The following RTN2 variants were observed in gnomAD, a reference collection of about 807,000 sequenced individuals.
The protein encoded by RTN2 is reticulon-2.
A neutral mutation model predicts 63.7 loss-of-function variants in RTN2; 36 were observed. The observed-to-expected ratio is 0.56, with a 90% CI of 0.43 to 0.75. The LOEUF (loss-of-function observed/expected upper bound fraction) is 0.75. RTN2 is among the 30% of genes least tolerant of loss of function. RTN2 has a pLI of 0.00. For synonymous variants in RTN2, 312 were observed against 313.0 expected, an observed-to-expected ratio of 1.00 and a Z score of 0.03; for missense variants, 673 against 705.1, an observed-to-expected ratio of 0.95 and a Z score of 0.52.
chr19:45,489,177 G>C, intron 6 of RTN2, 169 bp downstream of exon 6: 2 of 863,578 alleles, frequency 2.3e-6, no homozygotes, highest in Non-Finnish European at 3.6e-6. Context: ...GAGGATGAAG[G>C]GTACCAGGTT....
chr19:45,493,532 G>T (rs868527421), intron 4 of RTN2, among the ~76,000 whole-genome samples, 154 bp from the exon 5 acceptor site: 3 of 152,022 alleles, frequency 2.0e-5, no homozygotes, highest in African/African-American at 7.2e-5. Context: ...GGCTTCAAAG[G>T]ATCCTCCCGC....
At position 45,493,355 on chromosome 19, in the gene RTN2, T is replaced by A; in HGVS notation, c.838A>T (p.Thr280Ser). ...TTGTAAACAGCCAAAAGCAATGATG[T>A]CTTTAACCATTCCATAGCTGTTCCT... ...LLGTAMEWLK[T>S]SLLLAVYKTV... The change falls in exon 5 of 11, where the codon ACA (threonine) becomes TCA (serine). Residue 280 changes from threonine to serine, a missense_variant. Thr to Ser is a moderately conservative substitution (Grantham distance 58, BLOSUM62 1). Transcript: ENST00000245923. 1 of 1,609,008 alleles carries A rather than the reference T, an allele frequency of 6.2e-7. No homozygotes were observed. Among genetic ancestry groups the A allele is most frequent in the East Asian group, 2.2e-5 (1 of 44,844 alleles).
In RTN2 at chr19:45,488,702, G is replaced by C; in HGVS notation, c.1385C>G (p.Ala462Gly). 1 of 1,613,360 alleles carries C rather than the reference G, an allele frequency of 6.2e-7. No homozygotes were observed. The highest frequency in any genetic ancestry group is 2.2e-5 in the East Asian group (1 of 44,880). ...VEDLVDSLKL[A>G]LLFYILTFVG... ...GAAGGTCAAGATGTAGAAGAGGAGG[G>C]CCAGCTGGGGGTGAAGGTCAGGGTC... Residue 462 changes from alanine to glycine, a missense_variant, in exon 8 of 11, where the codon GCC becomes GGC. Physicochemically the swap from Ala to Gly is moderately conservative, Grantham distance 60. Coordinates refer to ENST00000245923, the MANE Select transcript of RTN2 (RefSeq NM_005619.5).
At chr19:45,493,804 C>A in intron 4 of RTN2, 1 of 288,554 alleles carries the variant, frequency 3.5e-6, no homozygotes, top group Non-Finnish European at 6.5e-6. Context: ...AGTGCAGTGG[C>A]GCGATCTTGG....
At chr19:45,492,006 A>T (rs1019171628) in intron 5 of RTN2, among the ~76,000 whole-genome samples, 1 of 152,164 alleles carries the variant, frequency 6.6e-6, no homozygotes, top group Non-Finnish European at 1.5e-5. Flanking sequence ...TTCCACAAGA[A>T]GCAAGAGAAA....
Position 45,488,937 on chromosome 19 carries a change from A to G in RTN2, c.1291T>C (p.Leu431=), listed in dbSNP as rs141361008. ...LTLTREQTER[L]SHQITSRVVS... is the part of the protein sequence containing the mutation. ...ACGCGGGAGGTGATCTGGTGGGACA[A>G]ACGTTCCGTCTGCTCCCGAGTCAGG... The change falls in exon 7 of 11, where the codon TTG becomes CTG. Residue 431 remains leucine (L), a synonymous_variant. Transcript: ENST00000245923. 11 of 1,611,394 alleles carry G rather than the reference A, an allele frequency of 6.8e-6. No individual in the cohort carries two copies. In the African/African-American group the frequency reaches 1.5e-4, roughly 22 times the overall value.
chr19:45,494,269 T>C lies in RTN2; in HGVS notation c.711A>G (p.Glu237=). The change falls in exon 4 of 11, where the codon GAA becomes GAG. Residue 237 remains glutamate, a synonymous_variant. Transcript: ENST00000245923. This position sits in a 1 kb window ranked among gnomAD's most constrained non-coding sequence, Gnocchi z 5.3. ...SNSGPEEPLL[E]EEEKQWGPLE... ...GTGGCCCCCACTGCTTTTCTTCCTC[T>C]TCCAGCAATGGCTCTTCGGGCCCAG... is the stretch of plus-strand genomic sequence containing the variant. 6.2e-7 allele frequency: 1 copy of C among 1,613,870 alleles called. No individual in the cohort carries two copies. The highest frequency in any genetic ancestry group is 8.5e-7 in the Non-Finnish European group (1 of 1,180,002).
intron 5 of RTN2, 64 bp downstream of exon 5, chr19:45,493,096 A>G (rs1162539321): frequency 2.1e-6 from 3 of 1,440,464 alleles, no homozygotes; most frequent in Admixed American, 1.7e-5. Flanking sequence ...TGCAGGAGAT[A>G]AGGGCGAGTT....
Position 45,494,658 on chromosome 19 carries a change from G to A in RTN2, c.427C>T (p.Arg143Trp), listed in dbSNP as rs371978046. ...SERPLEDLRLRLDHLGWVARG... is the reference protein window; with the variant it reads ...SERPLEDLRLWLDHLGWVARG... ...GCCACCCAGCCCAGATGGTCCAACC[G>A]AAGCCTCAGGTCTTCCAGAGGGCGC... is the stretch of plus-strand genomic sequence containing the variant. The change falls in exon 3 of 11, where the codon CGG becomes TGG. Residue 143 changes from arginine (R) to tryptophan (W), a missense_variant. Coordinates refer to ENST00000245923, the MANE Select transcript of RTN2 (RefSeq NM_005619.5). This position sits in a 1 kb window ranked among gnomAD's most constrained non-coding sequence, Gnocchi z 5.3. 16 of 1,613,812 alleles carry A rather than the reference G, an allele frequency of 9.9e-6. No homozygotes were observed. The highest frequency in any genetic ancestry group is 6.6e-5 in the South Asian group (6 of 91,084).
chr19:45,485,876 C>A, intron 10 of RTN2, 87 bp from the exon 11 acceptor site: 1 of 1,281,894 alleles, frequency 7.8e-7, no homozygotes, highest in Non-Finnish European at 1.1e-6. Context: ...GGGTGGGAAA[C>A]TGACCAAGAG....
Position 45,497,029 on chromosome 19 carries a change from G to C in RTN2, c.-204C>G. 1 of 231,720 alleles carries C rather than the reference G, an allele frequency of 4.3e-6. No individual in the cohort carries two copies. The highest frequency in any genetic ancestry group is 8.1e-6 in the Non-Finnish European group (1 of 124,080). The allele number at this position is 231,720 out of a possible 1,614,324, so 14.4% of individuals were successfully genotyped here. A position where few individuals can be genotyped will look rare whatever the true frequency, so the allele number is the denominator to read the frequency against. ...CGGCTCGGCGGGGGCGGGCGGGGCCGAGGTGGGGAAGGCACTGCAGCGCGC... is the reference window on the plus strand; with the variant it reads ...CGGCTCGGCGGGGGCGGGCGGGGCCCAGGTGGGGAAGGCACTGCAGCGCGC... On this transcript the variant is annotated 5_prime_UTR_variant, in exon 1 of 11. Transcript: ENST00000245923.
intron 9 of RTN2, 91 bp downstream of exon 9, chr19:45,488,380 G>T: frequency 1.4e-6 from 2 of 1,388,892 alleles, no homozygotes; most frequent in Non-Finnish European, 2.0e-6. Flanking sequence ...GTCTGGCCGG[G>T]ACATCTGTCA....
At position 45,496,850 on chromosome 19, in the gene RTN2, AC is replaced by A. The variant is rs1968283692; in HGVS notation, c.-26del. 1 of 1,434,980 alleles carries A rather than the reference AC, an allele frequency of 7.0e-7. No homozygotes were observed. Among genetic ancestry groups the A allele is most frequent in the Non-Finnish European group, 9.3e-7 (1 of 1,078,034 alleles). The allele number at this position is 1,434,980 out of a possible 1,614,324, so 88.9% of individuals were successfully genotyped here. On this transcript the variant is annotated 5_prime_UTR_variant, in exon 1 of 11. Coordinates refer to ENST00000245923, the MANE Select transcript of RTN2 (RefSeq NM_005619.5). ...TGGCCCCCCTCGGGCCTGCATCGGG[AC>A]CCCCGCCCACTCCGGCTGTGCCGCC...
chr19:45,493,120 G>A (rs757920222), intron 5 of RTN2, 40 bp downstream of exon 5: 2 of 1,583,204 alleles, frequency 1.3e-6, no homozygotes, highest in Non-Finnish European at 1.7e-6. Context: ...ACCCCGTTCC[G>A]CCGACCTCAG....
At chr19:45,496,716 G>A in intron 1 of RTN2, 76 bp downstream of exon 1, 1 of 1,036,232 alleles carries the variant, frequency 9.7e-7, no homozygotes, top group South Asian at 2.1e-5. Flanking sequence ...CTGCGGGCAA[G>A]CGCCGAGGGG....
At chr19:45,496,771 C>A in intron 1 of RTN2, 21 bp downstream of exon 1, 2 of 1,496,046 alleles carry the variant, frequency 1.3e-6, no homozygotes, top group Non-Finnish European at 1.8e-6. Flanking sequence ...CCACACCAGG[C>A]CCCAGTCTTC....
Position 45,485,698 on chromosome 19 carries a change from G to C in RTN2, c.*10C>G, listed in dbSNP as rs766619556. The stretch of plus-strand genomic sequence containing the variant: ...TGGGGGCAGGCGTCCTGCGGGCAGA[G>C]ACACCGTTCTCATTCGGCTTTGGCT... On this transcript the variant is annotated 3_prime_UTR_variant, in exon 11 of 11. Transcript: ENST00000245923. 1.5e-5 allele frequency: 24 copies of C among 1,612,312 alleles called. No individual in the cohort carries two copies. The highest frequency in any genetic ancestry group is 2.0e-5 in the Non-Finnish European group (24 of 1,178,822).
intron 5 of RTN2, 68 bp downstream of exon 5, chr19:45,493,092 A>C: frequency 7.1e-7 from 1 of 1,400,696 alleles, no homozygotes; most frequent in Non-Finnish European, 1.0e-6. Context: ...GATGTGCAGG[A>C]GATAAGGGCG....
chr19:45,487,322 G>A (rs1360493272), intron 9 of RTN2, among the ~76,000 whole-genome samples: 1 of 151,958 alleles, frequency 6.6e-6, no homozygotes, highest in Non-Finnish European at 1.5e-5. Context: ...CGGGATTACA[G>A]TTGTGAGCCA....
Sources: gnomAD v4.1 joint callset for allele counts (sites outside exome capture counted in the v4.1 genomes callset) on GRCh38, gnomAD v4.1.1 for gene constraint, Gnocchi (gnomAD v3.1) non-coding constraint, MANE v1.5 for transcripts, NCBI Gene and HGNC (gene_info 2026-07-23, HGNC 2026-07-21) for gene names.